HECW1: variants seen among roughly 807,000 people sequenced by gnomAD.
HECW1 encodes HECT, C2 and WW domain containing E3 ubiquitin protein ligase 1.
In HECW1, 61 loss-of-function variants were observed where a neutral mutation model predicts 182.3. That is an observed-to-expected ratio of 0.33 (90% CI 0.27 to 0.41). The LOEUF (loss-of-function observed/expected upper bound fraction) is 0.41, where lower values mean the gene tolerates loss of function less well. Among genes scored for constraint, HECW1 ranks in the 10% least tolerant of loss-of-function variants. HECW1 has a pLI of 1.00. For missense variants in HECW1, 1,739 were observed against 2,108.9 expected (o/e 0.82, Z 3.44); for synonymous variants, 859 against 832.6 (o/e 1.03, Z -0.55).
intron 2 of HECW1, among the ~76,000 whole-genome samples, chr7:43,176,385 A>G (rs1792250051): frequency 1.3e-5 from 2 of 152,224 alleles, no homozygotes; most frequent in South Asian, 2.1e-4. Context: ...TCTGTGTCTC[A>G]GTTAATTTTC....
At chr7:43,198,677 A>G (rs1794738530) in intron 2 of HECW1, among the ~76,000 whole-genome samples, 1 of 147,680 alleles carries the variant, frequency 6.8e-6, no homozygotes, top group South Asian at 2.2e-4. Flanking sequence ...ACACTCACAC[A>G]CACACCACAC....
chr7:43,392,946 C>A (rs1415644685), intron 6 of HECW1, among the ~76,000 whole-genome samples: 1 of 152,062 alleles, frequency 6.6e-6, no homozygotes, highest in Admixed American at 6.5e-5. Flanking sequence ...ATATTTACAA[C>A]TTTTCAAAAG....
At position 43,450,884 on chromosome 7, in the gene HECW1, C is replaced by A. The variant is rs371238353; in HGVS notation, c.2455C>A (p.Pro819Thr). ...QPVSQLPSLR[P>T]EHHHYPTIDE... ...AGTAAGCCAGCTTCCTTCCCTGAGG[C>A]CTGAACATCATCACTACCCAACAAT... Residue 819 changes from proline (P) to threonine (T), a missense_variant, in exon 12 of 30, where the codon CCT becomes ACT. Transcript: ENST00000395891. The A allele has an allele frequency of 5.0e-6, 8 of 1,613,424 alleles. No individual in the cohort carries two copies. The highest frequency in any genetic ancestry group is 6.8e-6 in the Non-Finnish European group (8 of 1,179,510).
At chr7:43,178,087 G>A (rs1025710211) in intron 2 of HECW1, among the ~76,000 whole-genome samples, 1 of 152,132 alleles carries the variant, frequency 6.6e-6, no homozygotes, top group African/African-American at 2.4e-5. Flanking sequence ...TTGACTCACT[G>A]CAAACTCTGC....
intron 24 of HECW1, among the ~76,000 whole-genome samples, chr7:43,521,965 A>C (rs1291618551): frequency 6.6e-6 from 1 of 152,208 alleles, no homozygotes; most frequent in Non-Finnish European, 1.5e-5. Flanking sequence ...CAGTCCCCCT[A>C]TAAAAGAGGT....
intron 17 of HECW1, among the ~76,000 whole-genome samples, chr7:43,480,943 A>T (rs145341515): frequency 6.6e-6 from 1 of 152,194 alleles, no homozygotes; most frequent in Non-Finnish European, 1.5e-5. Flanking sequence ...TCTGAGAAAC[A>T]TAACTATTTC....
Position 43,387,224 on chromosome 7 carries a change from T to G in HECW1, c.556-9590T>G, listed in dbSNP as rs57338562. On this transcript the variant is annotated intron_variant, in intron 6 of 29. Coordinates refer to ENST00000395891, the MANE Select transcript of HECW1 (RefSeq NM_015052.5). ...CCTCACACAGCCCCCAGCCAGCCCC[T>G]TCCCTTGGGCTGGCTTTGAATGGAT... 4.2e-3 allele frequency among the ~76,000 whole-genome samples: 640 copies of G among 152,074 alleles called. 4 individuals carry two copies. Among genetic ancestry groups the G allele is most frequent in the East Asian group, 0.02 (102 of 5,164 alleles).
intron 12 of HECW1, among the ~76,000 whole-genome samples, chr7:43,455,845 A>G (rs1000165262): frequency 3.9e-5 from 6 of 151,966 alleles, no homozygotes; most frequent in African/African-American, 7.3e-5. Flanking sequence ...ACTAAAAAAT[A>G]CCAAAATTAG....
chr7:43,268,483 G>T (rs1033830447), intron 3 of HECW1, among the ~76,000 whole-genome samples: 13 of 152,334 alleles, frequency 8.5e-5, no homozygotes, highest in African/African-American at 2.9e-4. Context: ...ATGTTTCATT[G>T]TCATGACTTG....
chr7:43,418,344 G>C (rs530683478), intron 8 of HECW1, among the ~76,000 whole-genome samples: 4 of 152,310 alleles, frequency 2.6e-5, no homozygotes, highest in Non-Finnish European at 5.9e-5. Flanking sequence ...TTAATCTATT[G>C]TTGGTTCACT....
intron 6 of HECW1, among the ~76,000 whole-genome samples, chr7:43,377,377 T>C (rs1183023936): frequency 2.0e-5 from 3 of 152,126 alleles, no homozygotes; most frequent in Admixed American, 6.5e-5. Context: ...AGCAAAGCCC[T>C]CAAAATGCGC....
At chr7:43,480,080 A>G (rs1421064174) in intron 17 of HECW1, among the ~76,000 whole-genome samples, 1 of 152,212 alleles carries the variant, frequency 6.6e-6, no homozygotes, top group Non-Finnish European at 1.5e-5. Context: ...GTGTGAATAC[A>G]TGGAACTGCC....
intron 3 of HECW1, among the ~76,000 whole-genome samples, chr7:43,305,250 T>C (rs1474786124): frequency 6.6e-6 from 1 of 152,248 alleles, no homozygotes; most frequent in Non-Finnish European, 1.5e-5. Context: ...CATTTCATTG[T>C]GTTTCCTACA....
At chr7:43,272,383 G>C (rs539227125) in intron 3 of HECW1, among the ~76,000 whole-genome samples, 1 of 152,250 alleles carries the variant, frequency 6.6e-6, no homozygotes, top group South Asian at 2.1e-4. Flanking sequence ...ACTATCAACA[G>C]AGTGAATAGA....
At chr7:43,160,862 C>T (rs141302755) in intron 2 of HECW1, among the ~76,000 whole-genome samples, 1,664 of 152,198 alleles carry the variant, frequency 0.011, 23 homozygotes, top group African/African-American at 0.036. Context: ...CTACTGTTCC[C>T]GCCCGCTGTG....
chr7:43,394,327 T>A (rs10281361), intron 6 of HECW1, among the ~76,000 whole-genome samples: 1 of 151,988 alleles, frequency 6.6e-6, no homozygotes, highest in East Asian at 1.9e-4. Flanking sequence ...ATAACAGACA[T>A]AAAGGAGGAG....
intron 4 of HECW1, among the ~76,000 whole-genome samples, chr7:43,318,858 G>A (rs1424298548): frequency 6.6e-6 from 1 of 152,194 alleles, no homozygotes. Flanking sequence ...CCCCTACGGT[G>A]GATTTGGACT....
At chr7:43,315,261 G>A (rs1004416894) in intron 4 of HECW1, among the ~76,000 whole-genome samples, 2 of 152,088 alleles carry the variant, frequency 1.3e-5, no homozygotes, top group African/African-American at 4.8e-5. Flanking sequence ...GCTGTATAAG[G>A]CACAAACAGA....
intron 2 of HECW1, among the ~76,000 whole-genome samples, chr7:43,192,142 A>G (rs540563197): frequency 6.6e-6 from 1 of 152,138 alleles, no homozygotes; most frequent in South Asian, 2.1e-4. Context: ...GTATTTTTGT[A>G]GAGATGGGGT....
Sources: gnomAD v4.1 joint callset for allele counts (sites outside exome capture counted in the v4.1 genomes callset) on GRCh38, gnomAD v4.1.1 for gene constraint, MANE v1.5 for transcripts, NCBI Gene and HGNC (gene_info 2026-07-23, HGNC 2026-07-21) for gene names.